WDR70: variants seen among roughly 807,000 people sequenced by gnomAD.
The protein encoded by WDR70 is WD repeat-containing protein 70.
Under a neutral mutation model 88.6 loss-of-function variants are expected in WDR70, and 53 were observed. The observed-to-expected ratio is 0.60, with a 90% confidence interval of 0.48 to 0.75. The LOEUF (loss-of-function observed/expected upper bound fraction) is 0.75. WDR70 is among the 30% of genes least tolerant of loss of function. The probability of loss-of-function intolerance (pLI) is 0.00; values close to 1 mark genes in which losing one functional copy is unlikely to be tolerated. For missense variants in WDR70, 610 were observed against 823.2 expected (o/e 0.74, Z 3.17); for synonymous variants, 280 against 270.0 (o/e 1.04, Z -0.36).
At chr5:37,568,971 G>A (rs1742822216) in intron 9 of WDR70, among the ~76,000 whole-genome samples, 1 of 152,138 alleles carries the variant, frequency 6.6e-6, no homozygotes, top group African/African-American at 2.4e-5. Flanking sequence ...AATAGGTTGA[G>A]CTAGCCTGCT....
At chr5:37,476,225 C>G (rs1358790704) in intron 7 of WDR70, among the ~76,000 whole-genome samples, 1 of 152,078 alleles carries the variant, frequency 6.6e-6, no homozygotes, top group African/African-American at 2.4e-5. Flanking sequence ...TTCTTTTAGT[C>G]GTTAGTCTAA....
chr5:37,431,438 A>G (rs542480647), intron 5 of WDR70, among the ~76,000 whole-genome samples: 90 of 151,616 alleles, frequency 5.9e-4, no homozygotes, highest in Non-Finnish European at 1.2e-3. Context: ...TCTCTGGATT[A>G]TTGCAAGAAT....
intron 5 of WDR70, among the ~76,000 whole-genome samples, chr5:37,435,978 T>A (rs1173893229): frequency 6.6e-6 from 1 of 150,766 alleles, no homozygotes; most frequent in African/African-American, 2.4e-5. Flanking sequence ...GATAAGGGGG[T>A]GGTGGTGGGG....
At chr5:37,532,726 C>T (rs626649) in intron 9 of WDR70, among the ~76,000 whole-genome samples, 15,052 of 151,974 alleles carry the variant, frequency 0.099, 2,387 homozygotes, top group African/African-American at 0.34. Context: ...CTCCGTGATT[C>T]GCTTAATAAT....
At chr5:37,723,554 C>G (rs1747887052) in intron 15 of WDR70, 1 of 152,478 alleles carries the variant, frequency 6.6e-6, no homozygotes, top group Non-Finnish European at 1.5e-5. Context: ...CAGGTGACAG[C>G]TAGGAAAGAA....
rs73065632 is a variant in WDR70, at chr5:37,686,756, T to C, written c.1093-10899T>C. ...AGAGGTATACAGACAATTTTTCCAA[T>C]TGGGAGTTTGTATTGTGTGATCCCA... On this transcript the variant is annotated intron_variant, in intron 10 of 17. Transcript: ENST00000265107. Among the ~76,000 whole-genome samples, 1,149 of 151,842 alleles carry C rather than the reference T, an allele frequency of 7.6e-3. 17 individuals are homozygous for C. The highest frequency in any genetic ancestry group is 0.026 in the African/African-American group (1,073 of 41,358).
chr5:37,686,730 A>G (rs1305730756), intron 10 of WDR70, among the ~76,000 whole-genome samples: 1 of 151,966 alleles, frequency 6.6e-6, no homozygotes, highest in African/African-American at 2.4e-5. Context: ...CTGCTGAGAA[A>G]AGAGGTATAC....
intron 9 of WDR70, among the ~76,000 whole-genome samples, chr5:37,518,049 G>C (rs1238540436): frequency 2.0e-5 from 3 of 151,556 alleles, no homozygotes; most frequent in Non-Finnish European, 4.4e-5. Context: ...CAAAGAGCTG[G>C]GATTACAGGT....
At chr5:37,647,345 C>G (rs1374904493) in intron 10 of WDR70, among the ~76,000 whole-genome samples, 1 of 152,154 alleles carries the variant, frequency 6.6e-6, no homozygotes, top group African/African-American at 2.4e-5. Context: ...GGTTACATAT[C>G]TCTGTCTCCA....
chr5:37,563,401 A>C (rs1351023840), intron 9 of WDR70, among the ~76,000 whole-genome samples: 24 of 29,530 alleles, frequency 8.1e-4, no homozygotes, highest in East Asian at 3.5e-3. Flanking sequence ...CCTCACCTCC[A>C]GGATTGGGCG....
At chr5:37,750,000 C>G (rs528370408) in intron 17 of WDR70, among the ~76,000 whole-genome samples, 4 of 152,152 alleles carry the variant, frequency 2.6e-5, no homozygotes, top group African/African-American at 9.6e-5. Flanking sequence ...CTTTACAAAT[C>G]AACTTTATTG....
At chr5:37,414,726 C>G (rs758271713) in intron 5 of WDR70, among the ~76,000 whole-genome samples, 5 of 151,484 alleles carry the variant, frequency 3.3e-5, no homozygotes, top group Non-Finnish European at 5.9e-5. Context: ...GGCATGGCTA[C>G]TTTCTTCCTA....
intron 13 of WDR70, among the ~76,000 whole-genome samples, chr5:37,714,563 C>A (rs1245993735): frequency 6.6e-6 from 1 of 152,096 alleles, no homozygotes; most frequent in Non-Finnish European, 1.5e-5. Context: ...GCATGAGGGG[C>A]TCCATATCTT....
intron 9 of WDR70, among the ~76,000 whole-genome samples, chr5:37,554,312 T>C (rs1742235014): frequency 6.6e-6 from 1 of 152,100 alleles, no homozygotes; most frequent in African/African-American, 2.4e-5. Context: ...GCTCATAAAA[T>C]ATATGTGTAT....
intron 5 of WDR70, among the ~76,000 whole-genome samples, chr5:37,410,860 A>G (rs1371936342): frequency 2.0e-5 from 3 of 152,220 alleles, no homozygotes; most frequent in Non-Finnish European, 2.9e-5. Context: ...ATAAACATCT[A>G]TTTCCATAAG....
At chr5:37,390,722 T>G (rs1352001516) in intron 3 of WDR70, among the ~76,000 whole-genome samples, 1 of 151,208 alleles carries the variant, frequency 6.6e-6, no homozygotes, top group African/African-American at 2.4e-5. Context: ...GTGCTGTTTT[T>G]TTTTTTTTTT....
At chr5:37,582,988 T>C (rs1743262749) in intron 9 of WDR70, among the ~76,000 whole-genome samples, 1 of 152,250 alleles carries the variant, frequency 6.6e-6, no homozygotes, top group Non-Finnish European at 1.5e-5. Flanking sequence ...TAGTAGTTCA[T>C]AGCCTCTGTG....
intron 7 of WDR70, among the ~76,000 whole-genome samples, chr5:37,456,400 C>G (rs180911590): frequency 1.3e-5 from 2 of 152,150 alleles, no homozygotes; most frequent in Non-Finnish European, 2.9e-5. Context: ...CAAAAACTTT[C>G]GCCCATTTTA....
At chr5:37,684,895 C>T (rs1746535528) in intron 10 of WDR70, among the ~76,000 whole-genome samples, 1 of 152,208 alleles carries the variant, frequency 6.6e-6, no homozygotes, top group Non-Finnish European at 1.5e-5. Context: ...ACAGGCATTC[C>T]CAGCAGCAGT....
Sources: gnomAD v4.1 joint callset for allele counts (sites outside exome capture counted in the v4.1 genomes callset) on GRCh38, gnomAD v4.1.1 for gene constraint, MANE v1.5 for transcripts, NCBI Gene and HGNC (gene_info 2026-07-23, HGNC 2026-07-21) for gene names.